KCNJ5: variants seen among roughly 807,000 people sequenced by gnomAD.
KCNJ5 encodes the protein G protein-activated inward rectifier potassium channel 4.
KCNJ5 carries 12 observed loss-of-function variants against 20.2 expected under a neutral mutation model. The ratio of observed to expected loss-of-function variants is 0.59; its 90% CI spans 0.38 to 0.96. The LOEUF is 0.96. KCNJ5 is among the 40% of genes least tolerant of loss of function. The pLI is 0.00. For synonymous variants in KCNJ5, 210 were observed against 213.9 expected (o/e 0.98, Z 0.16); for missense variants, 449 against 557.6 (o/e 0.81, Z 1.96).
At chr11:128,908,539 C>A (rs1282937926) in intron 1 of KCNJ5, among the ~76,000 whole-genome samples, 1 of 152,176 alleles carries the variant, frequency 6.6e-6, no homozygotes, top group Non-Finnish European at 1.5e-5. Context: ...CTGCCAGACG[C>A]AAAAAGTTTT....
chr11:128,918,810 G>C lies in KCNJ5; in HGVS notation c.*2079G>C, dbSNP rs1944627688. 6.6e-6 allele frequency: 1 copy of C among 152,386 alleles called. No homozygotes were observed. The highest frequency in any genetic ancestry group is 2.1e-4 in the South Asian group (1 of 4,838). The allele number at this position is 152,386 out of a possible 1,614,324, so 9.4% of individuals were successfully genotyped here. ...GCTCCATAAGCTTTGCTCCTGGGCT[G>C]GATCTTGAGAGGTGGGCAGGGTCTT... is the stretch of plus-strand genomic sequence containing the variant. On this transcript the variant is annotated 3_prime_UTR_variant, in exon 3 of 3. Transcript: ENST00000529694.
At chr11:128,903,022 A>G (rs1217024926) in intron 1 of KCNJ5, among the ~76,000 whole-genome samples, 1 of 152,168 alleles carries the variant, frequency 6.6e-6, no homozygotes, top group Non-Finnish European at 1.5e-5. Context: ...ATCTTGCAGT[A>G]CTGGCTCCAC....
Position 128,917,009 on chromosome 11 carries a change from C to A in KCNJ5, c.*278C>A. 1 of 398,096 alleles carries A rather than the reference C, an allele frequency of 2.5e-6. No homozygotes were observed. The highest frequency in any genetic ancestry group is 2.0e-5 in the African/African-American group (1 of 49,696). 24.7% of individuals were successfully genotyped at this position (398,096 alleles called of 1,614,324 possible). On this transcript the variant is annotated 3_prime_UTR_variant, in exon 3 of 3. Coordinates refer to ENST00000529694, the MANE Select transcript of KCNJ5 (RefSeq NM_000890.5). ...TGAGTTTCCCCATGGTGAATGTTAC[C>A]GGATGGCATCTGTTCTCTCCATGCC...
intron 2 of KCNJ5, among the ~76,000 whole-genome samples, chr11:128,912,448 T>C (rs1361543368): frequency 6.6e-6 from 1 of 152,210 alleles, no homozygotes; most frequent in African/African-American, 2.4e-5. Flanking sequence ...TAAACATCTA[T>C]CATCTGGCCA....
At position 128,911,102 on chromosome 11, in the gene KCNJ5, C is replaced by T. The variant is rs1944489238; in HGVS notation, c.-10-162C>T. 1 of 645,600 alleles carries T rather than the reference C, an allele frequency of 1.5e-6. No homozygotes were observed. Among genetic ancestry groups the T allele is most frequent in the East Asian group, 2.7e-5 (1 of 36,784 alleles). The allele number at this position is 645,600 out of a possible 1,614,324, so 40.0% of individuals were successfully genotyped here. On this transcript the variant is annotated intron_variant, in intron 1 of 2. Coordinates refer to ENST00000529694, the MANE Select transcript of KCNJ5 (RefSeq NM_000890.5). The surrounding 1 kb of genome is among the most constrained non-coding windows in gnomAD (Gnocchi z 6.3). ...CTAGGCACCAGGGATACAAAAGAAC[C>T]CTATAAGAGAGTGAGGCCCCTGCCC... is the stretch of plus-strand genomic sequence containing the variant.
At chr11:128,910,746 C>T (rs1944484005) in intron 1 of KCNJ5, among the ~76,000 whole-genome samples, 1 of 152,172 alleles carries the variant, frequency 6.6e-6, no homozygotes, top group Admixed American at 6.5e-5. Context: ...AAAATGAACA[C>T]AAACTTATGC....
intron 2 of KCNJ5, 68 bp downstream of exon 2, chr11:128,912,278 T>A: frequency 8.1e-6 from 10 of 1,231,130 alleles, no homozygotes; most frequent in Non-Finnish European, 1.1e-5. Context: ...CAACTGTGAC[T>A]CCAGAAGATG....
Position 128,911,009 on chromosome 11 carries a change from C to T in KCNJ5, c.-10-255C>T, listed in dbSNP as rs141035137. Among the ~76,000 whole-genome samples, 2 of 152,282 alleles carry T rather than the reference C, an allele frequency of 1.3e-5. No homozygotes were observed. Among genetic ancestry groups the T allele is most frequent in the Non-Finnish European group, 2.9e-5 (2 of 68,026 alleles). ...TTCAACACTTAATGTGTAGTTTGCACCTAGATATTGTTCATTTATTCATTC... is the reference window on the plus strand; with the variant it reads ...TTCAACACTTAATGTGTAGTTTGCATCTAGATATTGTTCATTTATTCATTC... On this transcript the variant is annotated intron_variant, in intron 1 of 2. Coordinates refer to ENST00000529694, the MANE Select transcript of KCNJ5 (RefSeq NM_000890.5). This position sits in a 1 kb window ranked among gnomAD's most constrained non-coding sequence, Gnocchi z 6.3.
intron 1 of KCNJ5, among the ~76,000 whole-genome samples, chr11:128,903,037 T>C (rs186094031): frequency 2.7e-4 from 41 of 152,290 alleles, no homozygotes; most frequent in African/African-American, 9.6e-4. Flanking sequence ...CTCCACGGCA[T>C]GGCAAGGCAA....
intron 1 of KCNJ5, chr11:128,900,977 T>G (rs917263693): frequency 1.3e-5 from 2 of 152,220 alleles, no homozygotes; most frequent in African/African-American, 2.4e-5. Flanking sequence ...TAGGATAGAA[T>G]TTTTCCTGAT....
intron 1 of KCNJ5, chr11:128,904,342 T>C: frequency 1.9e-6 from 3 of 1,561,502 alleles, no homozygotes; most frequent in Non-Finnish European, 2.6e-6. Flanking sequence ...CACTCTCTAC[T>C]GCACTGATTT....
chr11:128,904,751 G>A (rs1944366740), intron 1 of KCNJ5: 2 of 551,750 alleles, frequency 3.6e-6, no homozygotes, highest in Non-Finnish European at 6.4e-6. Flanking sequence ...TTGAGTGGGG[G>A]TTCGCTGACT....
At chr11:128,903,364 C>A in intron 1 of KCNJ5, 1 of 1,614,072 alleles carries the variant, frequency 6.2e-7, no homozygotes, top group Non-Finnish European at 8.5e-7. Context: ...CAGCTGCACT[C>A]ACCTCACACA....
chr11:128,895,636 A>G (rs1944164511), intron 1 of KCNJ5, among the ~76,000 whole-genome samples: 1 of 152,242 alleles, frequency 6.6e-6, no homozygotes, highest in Non-Finnish European at 1.5e-5. Context: ...CTCCTAACAC[A>G]GGCCAGACCT....
intron 1 of KCNJ5, chr11:128,900,014 T>C (rs538156974): frequency 1.6e-4 from 25 of 152,348 alleles, no homozygotes; most frequent in African/African-American, 5.8e-4. Context: ...GGGCTTGGTC[T>C]GTGATGCAAA....
At chr11:128,916,244 AGATGGATG>A (rs61176061) in intron 2 of KCNJ5, among the ~76,000 whole-genome samples, 157 bp from the exon 3 acceptor site, 4 of 129,170 alleles carry the variant, frequency 3.1e-5, no homozygotes, top group Non-Finnish European at 6.4e-5. Flanking sequence ...ATAGATGATT[AGATGGATG>A]GATGGATGGA....
At chr11:128,914,676 G>A (rs960058125) in intron 2 of KCNJ5, among the ~76,000 whole-genome samples, 1 of 152,214 alleles carries the variant, frequency 6.6e-6, no homozygotes, top group African/African-American at 2.4e-5. Context: ...TAGGGCTGTT[G>A]GGAGGATTCA....
intron 1 of KCNJ5, chr11:128,904,424 T>G: frequency 6.2e-7 from 1 of 1,614,076 alleles, no homozygotes; most frequent in African/African-American, 1.3e-5. Context: ...GTCGTCAATC[T>G]CATTACCTGT....
intron 2 of KCNJ5, 150 bp downstream of exon 2, chr11:128,912,360 A>G (rs1188247803): frequency 1.4e-6 from 1 of 726,248 alleles, no homozygotes; most frequent in Non-Finnish European, 2.5e-6. Flanking sequence ...TTTGAGGGGT[A>G]CTGGTACTCA....
Sources: allele counts gnomAD v4.1 joint callset (sites outside exome capture counted in the v4.1 genomes callset), GRCh38; gene constraint gnomAD v4.1.1; non-coding constraint Gnocchi (gnomAD v3.1); transcripts MANE v1.5; gene names NCBI Gene and HGNC (gene_info 2026-07-23, HGNC 2026-07-21).